The following COMMD1 variants were observed in gnomAD, a reference collection of about 807,000 sequenced individuals.
COMMD1 encodes COMM domain-containing protein 1.
Under a neutral mutation model 17.2 loss-of-function variants are expected in COMMD1, and 10 were observed. The observed-to-expected ratio is 0.58, with a 90% CI of 0.36 to 0.99. The LOEUF (loss-of-function observed/expected upper bound fraction) is 0.99. Among genes scored for constraint, COMMD1 ranks in the 50% least tolerant of loss-of-function variants. COMMD1 has a pLI of 0.01. For missense variants in COMMD1, 270 were observed against 231.8 expected (o/e 1.17, Z -1.07); for synonymous variants, 97 against 91.6 (o/e 1.06, Z -0.34).
intron 1 of COMMD1, among the ~76,000 whole-genome samples, chr2:61,986,872 T>C (rs1402034075): frequency 2.0e-5 from 3 of 152,178 alleles, no homozygotes; most frequent in Admixed American, 2.0e-4. Context: ...CCCAGCCTCT[T>C]TTTCTTTTTT....
chr2:61,973,195 T>C (rs979707389), intron 1 of COMMD1, among the ~76,000 whole-genome samples: 1 of 152,216 alleles, frequency 6.6e-6, no homozygotes, highest in African/African-American at 2.4e-5. Flanking sequence ...GTTGCTGTTA[T>C]CAACATTGCT....
At chr2:61,936,691 C>G (rs1017120090) in intron 1 of COMMD1, among the ~76,000 whole-genome samples, 1 of 152,168 alleles carries the variant, frequency 6.6e-6, no homozygotes, top group Admixed American at 6.5e-5. Flanking sequence ...GCCTTGGCTG[C>G]TGAAGTGCTG....
At chr2:61,975,703 C>G (rs1671781997) in intron 1 of COMMD1, among the ~76,000 whole-genome samples, 1 of 152,088 alleles carries the variant, frequency 6.6e-6, no homozygotes, top group African/African-American at 2.4e-5. Context: ...TTAAAAATTT[C>G]TCTAGACTTC....
At chr2:62,006,801 G>T (rs1267635727) in intron 2 of COMMD1, among the ~76,000 whole-genome samples, 2 of 152,106 alleles carry the variant, frequency 1.3e-5, no homozygotes, top group Non-Finnish European at 2.9e-5. Context: ...TCCTTTCCTG[G>T]AACTTCAGTA....
intron 2 of COMMD1, among the ~76,000 whole-genome samples, chr2:62,019,053 CCTTT>C (rs1382515067): frequency 2.4e-5 from 3 of 124,690 alleles, no homozygotes; most frequent in Non-Finnish European, 4.9e-5. Context: ...CTCCTTCCTT[CCTTT>C]CTTTCTCTCT....
chr2:61,960,480 C>T (rs1021760752), intron 1 of COMMD1, among the ~76,000 whole-genome samples: 3 of 152,192 alleles, frequency 2.0e-5, no homozygotes, highest in African/African-American at 7.2e-5. Context: ...TTCCTTTCAT[C>T]TGCCAAACTA....
At chr2:62,010,564 G>T (rs1191808140) in intron 2 of COMMD1, among the ~76,000 whole-genome samples, 1 of 152,058 alleles carries the variant, frequency 6.6e-6, no homozygotes. Flanking sequence ...TGTGTAAAAG[G>T]TATCAAAAAT....
At chr2:62,024,408 C>T (rs952450038) in intron 2 of COMMD1, among the ~76,000 whole-genome samples, 2 of 151,958 alleles carry the variant, frequency 1.3e-5, no homozygotes, top group African/African-American at 4.8e-5. Context: ...AATTGCAAGC[C>T]TAGTAAATTC....
intron 2 of COMMD1, among the ~76,000 whole-genome samples, chr2:62,040,685 T>C (rs1166058927): frequency 6.6e-6 from 1 of 152,152 alleles, no homozygotes; most frequent in Admixed American, 6.5e-5. Flanking sequence ...TAGTCTTTAG[T>C]ACAGGAATTT....
chr2:62,123,742 A>G (rs1672816909), intron 2 of COMMD1, among the ~76,000 whole-genome samples: 1 of 151,820 alleles, frequency 6.6e-6, no homozygotes, highest in South Asian at 2.1e-4. Context: ...TTGGTCCTAC[A>G]CCCACTAGCC....
intron 2 of COMMD1, among the ~76,000 whole-genome samples, chr2:62,040,533 C>G (rs1011702361): frequency 2.0e-5 from 3 of 151,734 alleles, no homozygotes; most frequent in Non-Finnish European, 4.4e-5. Flanking sequence ...ACATAATATC[C>G]CTAAAAATGA....
chr2:62,134,343 G>A (rs1012665109), intron 2 of COMMD1, among the ~76,000 whole-genome samples: 3 of 152,126 alleles, frequency 2.0e-5, no homozygotes, highest in African/African-American at 7.2e-5. Context: ...CATTTAACAT[G>A]CCTGGGGCTT....
At chr2:61,906,746 GA>G (rs894194486) in intron 1 of COMMD1, among the ~76,000 whole-genome samples, 1 of 149,392 alleles carries the variant, frequency 6.7e-6, no homozygotes, top group African/African-American at 2.5e-5. Flanking sequence ...TTTGTTTCTT[GA>G]AAAAAAAACC....
At chr2:62,079,837 A>AG (rs1671468003) in intron 2 of COMMD1, 2 of 152,294 alleles carry the variant, frequency 1.3e-5, no homozygotes, top group Non-Finnish European at 2.9e-5. Context: ...CAGAAAAAAA[A>AG]TGGATTGAAC....
upstream of COMMD1, chr2:61,888,396 T>C (rs199542002): frequency 7.5e-5 from 121 of 1,612,500 alleles, 1 homozygote; most frequent in Admixed American, 7.7e-4. Flanking sequence ...GCGGCGGAAA[T>C]GTTGCTGAAG....
At chr2:62,014,542 C>CTTTTTTTTTTTTTTTTTTTTTT (rs67886279) in intron 2 of COMMD1, among the ~76,000 whole-genome samples, 5 of 63,568 alleles carry the variant, frequency 7.9e-5, no homozygotes, top group African/African-American at 2.9e-4. Flanking sequence ...CCATTTTAAC[C>CTTTTTTTTTTTTTTTTTTTTTT]TTTTTTTTTT....
intron 1 of COMMD1, among the ~76,000 whole-genome samples, chr2:61,897,391 CT>C (rs1669571262): frequency 6.6e-6 from 1 of 152,132 alleles, no homozygotes; most frequent in East Asian, 1.9e-4. Flanking sequence ...ATGCTTTTCT[CT>C]TGTTAAGTTG....
At chr2:62,104,633 C>CAAAAAAAAAAAAAAAA (rs35679940) in intron 2 of COMMD1, among the ~76,000 whole-genome samples, 3 of 76,722 alleles carry the variant, frequency 3.9e-5, no homozygotes, top group Non-Finnish European at 7.7e-5. Flanking sequence ...GACTCCGTCT[C>CAAAAAAAAAAAAAAAA]AAAAAAAAAA....
chr2:62,128,694 C>T (rs867663090), intron 2 of COMMD1, among the ~76,000 whole-genome samples: 5 of 151,720 alleles, frequency 3.3e-5, no homozygotes, highest in African/African-American at 7.3e-5. Flanking sequence ...GGCTCACGCC[C>T]GTAATCCCAG....
Sources: gnomAD v4.1 joint callset for allele counts (sites outside exome capture counted in the v4.1 genomes callset) on GRCh38, gnomAD v4.1.1 for gene constraint, MANE v1.5 for transcripts, NCBI Gene and HGNC (gene_info 2026-07-23, HGNC 2026-07-21) for gene names.